The following MGRN1 variants were observed in gnomAD, a reference collection of about 807,000 sequenced individuals.
MGRN1 encodes the protein mahogunin ring finger 1.
A neutral mutation model predicts 69.2 loss-of-function variants in MGRN1; 29 were observed. The observed-to-expected ratio is 0.42, with a 90% CI of 0.31 to 0.57. The LOEUF (loss-of-function observed/expected upper bound fraction) is 0.57, where lower values mean the gene tolerates loss of function less well. Among genes scored for constraint, MGRN1 ranks in the 20% least tolerant of loss-of-function variants. MGRN1 has a pLI of 0.15. For synonymous variants in MGRN1, 470 were observed against 344.2 expected (o/e 1.37, Z -4.04); for missense variants, 998 against 796.2 (o/e 1.25, Z -3.05).
At chr16:4,668,469 G>A (rs1210641157) in intron 8 of MGRN1, among the ~76,000 whole-genome samples, 157 bp downstream of exon 8, 2 of 148,144 alleles carry the variant, frequency 1.4e-5, no homozygotes, top group East Asian at 2.0e-4. Flanking sequence ...ACATATATAC[G>A]GACACACATA....
intron 16 of MGRN1, 41 bp from the exon 17 acceptor site, chr16:4,688,755 G>GCA: frequency 6.6e-7 from 1 of 1,513,260 alleles, no homozygotes; most frequent in Non-Finnish European, 8.9e-7. Flanking sequence ...GTGGCACCAG[G>GCA]CATCCGAGTG....
rs2079395275 is a variant in MGRN1, at chr16:4,688,802, C to T, written c.1625C>T (p.Pro542Leu). Reference protein sequence around the residue: ...PPADIYLPGRPTSMETAHGLA... With the variant: ...PPADIYLPGRLTSMETAHGLA... ...CCTCTGCTCCCACCTGCAGGACGGC[C>T]CACCTCCATGGAGACGGCCCACGGC... Residue 542 changes from proline to leucine, a missense_variant, in exon 17 of 17, where the codon CCC becomes CTC. Physicochemically the swap from Pro to Leu is moderately conservative, Grantham distance 98. Transcript: ENST00000262370. 3 of 1,548,086 alleles carry T rather than the reference C, an allele frequency of 1.9e-6. No homozygotes were observed. The highest frequency in any genetic ancestry group is 1.9e-5 in the Admixed American group (1 of 51,336).
Position 4,688,104 on chromosome 16 carries a change from C to T in MGRN1, c.1619-692C>T, listed in dbSNP as rs539778093. On this transcript the variant is annotated intron_variant, in intron 16 of 16. Coordinates refer to ENST00000262370, the MANE Select transcript of MGRN1 (RefSeq NM_015246.4). The stretch of plus-strand genomic sequence containing the variant: ...CCCCGAAGAAAATAGACGCCCTTCA[C>T]CGGAGAGTGGGGCCTGGGCCGTGTC... 5.1e-6 allele frequency: 5 copies of T among 985,596 alleles called. No individual in the cohort carries two copies. The South Asian group carries it at 2.3e-4, about 46-fold the overall frequency. 61.1% of individuals were successfully genotyped at this position (985,596 alleles called of 1,614,324 possible).
rs375022871 is a variant in MGRN1, at chr16:4,683,551, A to T, written c.1528+282A>T. On this transcript the variant is annotated intron_variant, in intron 15 of 16. Transcript: ENST00000262370. ...TGAAACATGAGCGTGTAATGTTTCT[A>T]TGACCAAAAAAAAAAAAGCCCTATG... 5.5e-3 allele frequency among the ~76,000 whole-genome samples: 633 copies of T among 115,680 alleles called. 3 individuals are homozygous for T. The highest frequency in any genetic ancestry group is 0.018 in the African/African-American group (604 of 33,982). The allele number at this position is 115,680 out of a possible 152,430, so 75.9% of individuals were successfully genotyped here.
intron 7 of MGRN1, 84 bp downstream of exon 7, chr16:4,665,235 G>C: frequency 6.8e-7 from 1 of 1,479,342 alleles, no homozygotes; most frequent in South Asian, 1.2e-5. Flanking sequence ...CCTGAGCAGG[G>C]GCTGGGGCTT....
chr16:4,641,663 C>T (rs1249034684), intron 1 of MGRN1, among the ~76,000 whole-genome samples: 1 of 152,048 alleles, frequency 6.6e-6, no homozygotes, highest in Non-Finnish European at 1.5e-5. Context: ...GGATTACAGG[C>T]ACCCACCACC....
intron 13 of MGRN1, among the ~76,000 whole-genome samples, 154 bp from the exon 14 acceptor site, chr16:4,682,669 C>A (rs1373253481): frequency 1.3e-5 from 2 of 152,208 alleles, no homozygotes; most frequent in African/African-American, 2.4e-5. Flanking sequence ...TGGGTTGGTC[C>A]CGGTGGCTGG....
intron 1 of MGRN1, among the ~76,000 whole-genome samples, chr16:4,630,444 G>A (rs1596253434): frequency 7.5e-6 from 1 of 133,168 alleles, no homozygotes; most frequent in Non-Finnish European, 1.5e-5. Context: ...GCATTTTGTT[G>A]TTGTTGTTGT....
chr16:4,657,692 C>T (rs1367505834), intron 5 of MGRN1, among the ~76,000 whole-genome samples: 3 of 146,050 alleles, frequency 2.1e-5, no homozygotes, highest in African/African-American at 2.5e-5. Flanking sequence ...GGCATTCCTT[C>T]AAGCTTTTTA....
intron 16 of MGRN1, chr16:4,688,074 G>T (rs914812134): frequency 1.0e-6 from 1 of 985,398 alleles, no homozygotes; most frequent in Admixed American, 6.1e-5. Flanking sequence ...TGCTCTCGCC[G>T]CGGCCCCCGA....
chr16:4,635,565 G>A (rs1383449736), intron 1 of MGRN1, among the ~76,000 whole-genome samples: 2 of 151,900 alleles, frequency 1.3e-5, no homozygotes, highest in African/African-American at 4.8e-5. Flanking sequence ...TGCCTCCTGG[G>A]TTCGAGCAAT....
intron 16 of MGRN1, among the ~76,000 whole-genome samples, chr16:4,684,920 C>A (rs1243308633): frequency 1.3e-5 from 2 of 152,236 alleles, no homozygotes; most frequent in Non-Finnish European, 1.5e-5. Flanking sequence ...TCCTGAGTCA[C>A]CTGGTGACCT....
chr16:4,626,744 C>A (rs1395294110), intron 1 of MGRN1, among the ~76,000 whole-genome samples: 1 of 152,238 alleles, frequency 6.6e-6, no homozygotes, highest in African/African-American at 2.4e-5. Flanking sequence ...CGGGATCCCA[C>A]TGTGGCTGAA....
chr16:4,658,093 G>A (rs1296330683), intron 5 of MGRN1, among the ~76,000 whole-genome samples: 1 of 151,972 alleles, frequency 6.6e-6, no homozygotes, highest in African/African-American at 2.4e-5. Context: ...GGCTTGAGTG[G>A]CTGCTTTGCT....
intron 9 of MGRN1, 146 bp from the exon 10 acceptor site, chr16:4,673,352 G>C: frequency 9.1e-7 from 1 of 1,100,942 alleles, no homozygotes; most frequent in Middle Eastern, 3.1e-4. Context: ...CTGCTCTGGG[G>C]CAACCTCCCC....
At chr16:4,669,057 C>G (rs1054373452) in intron 8 of MGRN1, 8 of 152,174 alleles carry the variant, frequency 5.3e-5, no homozygotes, top group African/African-American at 1.7e-4. Context: ...CTCACACACA[C>G]TTATATATAG....
chr16:4,686,710 G>A, intron 16 of MGRN1: 1 of 1,022,950 alleles, frequency 9.8e-7, no homozygotes, highest in African/African-American at 1.7e-5. Context: ...GAGACATGGG[G>A]TGAGCGTCCC....
chr16:4,663,813 G>A (rs2078738299), intron 5 of MGRN1, among the ~76,000 whole-genome samples: 1 of 152,216 alleles, frequency 6.6e-6, no homozygotes, highest in Admixed American at 6.5e-5. Flanking sequence ...CACTGTGCTG[G>A]GCTGACTGCT....
chr16:4,655,898 C>T (rs1318517848), intron 4 of MGRN1, among the ~76,000 whole-genome samples: 1 of 152,258 alleles, frequency 6.6e-6, no homozygotes, highest in Non-Finnish European at 1.5e-5. Flanking sequence ...GGCTGGGGTC[C>T]ACCTGAGGGT....
Sources: gnomAD v4.1 joint callset for allele counts (sites outside exome capture counted in the v4.1 genomes callset) on GRCh38, gnomAD v4.1.1 for gene constraint, MANE v1.5 for transcripts, NCBI Gene and HGNC (gene_info 2026-07-23, HGNC 2026-07-21) for gene names.